The following CABIN1 variants were observed in gnomAD, a reference collection of about 807,000 sequenced individuals.
CABIN1 encodes the protein calcineurin-binding protein cabin-1.
In CABIN1, 133 loss-of-function variants were observed where a neutral mutation model predicts 227.7. The ratio of observed to expected loss-of-function variants is 0.58; its 90% confidence interval spans 0.51 to 0.67. CABIN1 has a LOEUF of 0.67. Ranked by LOEUF, CABIN1 falls within the 30% of genes least tolerant of loss-of-function variation. The pLI is 0.00. For synonymous variants in CABIN1, 1,086 were observed against 1,155.1 expected (o/e 0.94, Z 1.21); for missense variants, 2,408 against 2,852.5 (o/e 0.84, Z 3.55).
At chr22:24,143,837 G>A (rs2044937969) in intron 29 of CABIN1, among the ~76,000 whole-genome samples, 3 of 152,188 alleles carry the variant, frequency 2.0e-5, no homozygotes, top group Admixed American at 1.3e-4. Context: ...TGCCCCCTGG[G>A]CCATCAGAGG....
intron 15 of CABIN1, among the ~76,000 whole-genome samples, chr22:24,064,512 G>GTTTTTT (rs782268156): frequency 1.4e-3 from 152 of 106,854 alleles, no homozygotes; most frequent in Non-Finnish European, 2.0e-3. Flanking sequence ...CAGCTGAAAG[G>GTTTTTT]TTTTTTTTTT....
chr22:24,152,401 G>T (rs916407269), intron 29 of CABIN1, among the ~76,000 whole-genome samples: 1 of 152,166 alleles, frequency 6.6e-6, no homozygotes, highest in Non-Finnish European at 1.5e-5. Flanking sequence ...GAGGAGAAAC[G>T]CACTTCACTC....
Position 24,178,128 on chromosome 22 carries a change from G to A in CABIN1, c.6595G>A (p.Glu2199Lys). Residue 2199 changes from glutamate to lysine, a missense_variant, in exon 37 of 37, where the codon GAG (glutamate) becomes AAG (lysine). Coordinates refer to ENST00000263119, the MANE Select transcript of CABIN1 (RefSeq NM_012295.4). ...SLCQPALEVL[E>K]TSSQESSLES... ...ATGCCAGCCAGCCCTGGAGGTCCTG[G>A]AGACATCCAGCCAGGAGTCCTCGCT... 1 of 1,613,780 alleles carries A rather than the reference G, an allele frequency of 6.2e-7. No individual in the cohort carries two copies. The highest frequency in any genetic ancestry group is 8.5e-7 in the Non-Finnish European group (1 of 1,179,956).
chr22:24,084,933 C>T, intron 21 of CABIN1, 73 bp from the exon 22 acceptor site: 1 of 1,595,590 alleles, frequency 6.3e-7, no homozygotes, highest in South Asian at 1.1e-5. Context: ...TGTGACTAAA[C>T]AGTCCTGGGT....
chr22:24,142,342 G>A (rs923334778), intron 29 of CABIN1, among the ~76,000 whole-genome samples: 1 of 152,158 alleles, frequency 6.6e-6, no homozygotes, highest in Admixed American at 6.5e-5. Flanking sequence ...AGTGCCTAGT[G>A]ACTGAATTCC....
chr22:24,047,983 A>G (rs968530371), intron 6 of CABIN1, among the ~76,000 whole-genome samples: 3 of 152,188 alleles, frequency 2.0e-5, no homozygotes, highest in Non-Finnish European at 4.4e-5. Flanking sequence ...AATTTATATC[A>G]TAGTTCTGCT....
chr22:24,165,614 C>G lies in CABIN1; in HGVS notation c.4995C>G (p.Ser1665Arg). The G allele has an allele frequency of 6.2e-7, 1 of 1,612,438 alleles. No individual in the cohort carries two copies. The highest frequency in any genetic ancestry group is 8.5e-7 in the Non-Finnish European group (1 of 1,179,728). Residue 1665 changes from serine (S) to arginine (R), a missense_variant, in exon 31 of 37, where the codon AGC becomes AGG. Physicochemically the swap from Ser to Arg is moderately radical, Grantham distance 110. Around this residue, in one of 3 missense-constraint regions of CABIN1, gnomAD observed 714 missense variants for 773.8 expected, o/e 0.92. Transcript: ENST00000263119. ...LTVKVLEDTL[S>R]ELAEGSERPG... Reference sequence around the variant, plus strand: ...TGAAGGTGCTCGAAGACACGCTGAGCGAGCTCGCAGAGGTATGCCACCTGT... The same window carrying G: ...TGAAGGTGCTCGAAGACACGCTGAGGGAGCTCGCAGAGGTATGCCACCTGT...
At chr22:24,046,576 C>T (rs1268844436) in intron 6 of CABIN1, among the ~76,000 whole-genome samples, 1 of 152,120 alleles carries the variant, frequency 6.6e-6, no homozygotes, top group Non-Finnish European at 1.5e-5. Flanking sequence ...AGAAGTTATG[C>T]TTGGTAAACT....
rs2047210705 is a variant in CABIN1, at chr22:24,177,961, A to AG, written c.6520-86dup. ...GGCCTGGGGCAGGGGTGAGGGTGGGAGGGGGGCCTGGGGCAGGGGTGAAGG... is the reference window on the plus strand; with the variant it reads ...GGCCTGGGGCAGGGGTGAGGGTGGGAGGGGGGGCCTGGGGCAGGGGTGAAGG... On this transcript the variant is annotated intron_variant, in intron 36 of 36. Transcript: ENST00000263119. This position sits in a 1 kb window ranked among gnomAD's most constrained non-coding sequence, Gnocchi z 4.4. 1 of 924,174 alleles carries AG rather than the reference A, an allele frequency of 1.1e-6. No individual in the cohort carries two copies. Among genetic ancestry groups the AG allele is most frequent in the Non-Finnish European group, 1.5e-6 (1 of 677,778 alleles). 57.2% of individuals were successfully genotyped at this position (924,174 alleles called of 1,614,324 possible).
Position 24,171,778 on chromosome 22 carries a change from G to C in CABIN1, c.5823G>C (p.Val1941=). 6.2e-7 allele frequency: 1 copy of C among 1,614,172 alleles called. No individual in the cohort carries two copies. Among genetic ancestry groups the C allele is most frequent in the Middle Eastern group, 1.6e-4 (1 of 6,062 alleles). The change falls in exon 34 of 37, where the codon GTG becomes GTC. Residue 1941 remains valine (V), a synonymous_variant. Coordinates refer to ENST00000263119, the MANE Select transcript of CABIN1 (RefSeq NM_012295.4). ...PKDSRENFFP[V]TVVPTAPDPV... is the part of the protein sequence containing the mutation. ...ACAGCCGAGAGAACTTCTTTCCTGT[G>C]ACAGTGGTGCCCACAGCCCCTGACC... is the stretch of plus-strand genomic sequence containing the variant.
intron 16 of CABIN1, among the ~76,000 whole-genome samples, chr22:24,070,065 C>CAA (rs66725021): frequency 0.012 from 1,371 of 115,394 alleles, 22 homozygotes; most frequent in African/African-American, 0.04. Context: ...TATTCTAGGC[C>CAA]AAAAAAAAAA....
intron 28 of CABIN1, among the ~76,000 whole-genome samples, chr22:24,132,688 A>G (rs2044146380): frequency 6.6e-6 from 1 of 152,210 alleles, no homozygotes; most frequent in Non-Finnish European, 1.5e-5. Flanking sequence ...CCCAGGTTCA[A>G]GTGATTCTCC....
chr22:24,104,871 G>T (rs895663412), intron 26 of CABIN1, among the ~76,000 whole-genome samples: 2 of 152,142 alleles, frequency 1.3e-5, no homozygotes, highest in Non-Finnish European at 2.9e-5. Context: ...GTCTTTTCTG[G>T]GGCACTAGTC....
intron 29 of CABIN1, among the ~76,000 whole-genome samples, chr22:24,134,840 G>A (rs1347832788): frequency 6.6e-6 from 1 of 152,242 alleles, no homozygotes; most frequent in Non-Finnish European, 1.5e-5. Flanking sequence ...CACTTTTGGA[G>A]GCCGAGGCGG....
At chr22:24,068,852 G>A (rs751522456) in intron 16 of CABIN1, among the ~76,000 whole-genome samples, 2 of 152,160 alleles carry the variant, frequency 1.3e-5, no homozygotes, top group Non-Finnish European at 2.9e-5. Flanking sequence ...TTCCAAGAGT[G>A]GAGAAATATT....
intron 29 of CABIN1, among the ~76,000 whole-genome samples, chr22:24,138,143 T>A (rs2044532057): frequency 6.6e-6 from 1 of 152,264 alleles, no homozygotes; most frequent in East Asian, 1.9e-4. Context: ...TGTTATTTTT[T>A]AATGATAATT....
At chr22:24,142,385 CTG>C (rs140319) in intron 29 of CABIN1, among the ~76,000 whole-genome samples, 5,541 of 152,288 alleles carry the variant, frequency 0.036, 151 homozygotes, top group Non-Finnish European at 0.054. Context: ...GGACGAATGA[CTG>C]GGAATTAGCA....
chr22:24,117,893 C>A (rs1272549715), intron 27 of CABIN1, among the ~76,000 whole-genome samples: 3 of 152,256 alleles, frequency 2.0e-5, no homozygotes, highest in Non-Finnish European at 4.4e-5. Context: ...ACATTTTGAA[C>A]ACATTAGAAA....
At chr22:24,171,687 TTC>T in intron 33 of CABIN1, 24 bp from the exon 34 acceptor site, 1 of 1,613,730 alleles carries the variant, frequency 6.2e-7, no homozygotes. Context: ...TAGCCAGCCT[TTC>T]TCACCTCTTG....
Sources: allele counts gnomAD v4.1 joint callset (sites outside exome capture counted in the v4.1 genomes callset), GRCh38; gene constraint gnomAD v4.1.1; regional missense constraint gnomAD v4.1.1; non-coding constraint Gnocchi (gnomAD v3.1); transcripts MANE v1.5; gene names NCBI Gene and HGNC (gene_info 2026-07-23, HGNC 2026-07-21).